The following SUN2 variants were observed in gnomAD, a reference collection of about 807,000 sequenced individuals.
The protein encoded by SUN2 is SUN domain-containing protein 2.
SUN2 carries 60 observed loss-of-function variants against 100.0 expected under a neutral mutation model. The observed-to-expected ratio is 0.60, with a 90% CI of 0.49 to 0.74. SUN2 has a LOEUF of 0.74. Ranked by LOEUF, SUN2 falls within the 30% of genes least tolerant of loss-of-function variation. The pLI is 0.00. For missense variants in SUN2, 834 were observed against 954.6 expected (o/e 0.87, Z 1.66); for synonymous variants, 367 against 403.3 (o/e 0.91, Z 1.08).
intron 9 of SUN2, 107 bp downstream of exon 9, chr22:38,742,194 C>T: frequency 7.2e-7 from 1 of 1,390,686 alleles, no homozygotes; most frequent in Non-Finnish European, 9.7e-7. Flanking sequence ...TGCAAAATGG[C>T]AGAGCTGTCT....
chr22:38,753,641 A>G (rs1416611550), intron 1 of SUN2, among the ~76,000 whole-genome samples: 1 of 152,194 alleles, frequency 6.6e-6, no homozygotes, highest in East Asian at 1.9e-4. Flanking sequence ...GTGCTGCCAC[A>G]TCTTGGTAAG....
rs1346337995 is a variant in SUN2 at position 38,745,817 on chromosome 22, C to G, written c.686-6G>C. 6.2e-7 allele frequency: 1 copy of G among 1,613,280 alleles called. No individual in the cohort carries two copies. Among genetic ancestry groups the G allele is most frequent in the African/African-American group, 1.3e-5 (1 of 74,934 alleles). ...GGGGTAGAAATACCAAGCACCTGTG[C>G]ACAGGGGAGAGGGTGTTACCCCAGC... is the stretch of plus-strand genomic sequence containing the variant. On this transcript the variant is annotated splice_polypyrimidine_tract_variant and splice_region_variant and intron_variant, in intron 7 of 17. Coordinates refer to ENST00000689035, the MANE Select transcript of SUN2 (RefSeq NM_015374.3).
At chr22:38,736,635 A>C in intron 17 of SUN2, 1 of 338,972 alleles carries the variant, frequency 3.0e-6, no homozygotes, top group South Asian at 5.8e-5. Context: ...TCGTTTTTTT[A>C]TTGTGATCAA....
intron 8 of SUN2, 39 bp downstream of exon 8, chr22:38,745,645 T>C: frequency 6.2e-7 from 1 of 1,608,766 alleles, no homozygotes; most frequent in African/African-American, 1.3e-5. Flanking sequence ...CACCTAATTA[T>C]TGCTAAGCTC....
At position 38,751,197 on chromosome 22, in the gene SUN2, G is replaced by A; in HGVS notation, c.286+13C>T. 6.2e-7 allele frequency: 1 copy of A among 1,610,148 alleles called. No individual in the cohort carries two copies. The highest frequency in any genetic ancestry group is 8.5e-7 in the Non-Finnish European group (1 of 1,176,818). On this transcript the variant is annotated intron_variant, in intron 3 of 17. Coordinates refer to ENST00000689035, the MANE Select transcript of SUN2 (RefSeq NM_015374.3). The stretch of plus-strand genomic sequence containing the variant: ...AGGAAGCAAAGCCCCGGGACGGAGG[G>A]CTCCACACTCACCCCAGTTGGCGTC...
In SUN2 at chr22:38,739,513, G is replaced by A; in HGVS notation, c.1579-87C>T. 1.4e-6 allele frequency: 2 copies of A among 1,478,680 alleles called. No individual in the cohort carries two copies. Among genetic ancestry groups the A allele is most frequent in the Non-Finnish European group, 1.9e-6 (2 of 1,070,960 alleles). The allele number at this position is 1,478,680 out of a possible 1,614,324, so 91.6% of individuals were successfully genotyped here. The stretch of plus-strand genomic sequence containing the variant: ...GTGGCCGTGGGCCAAGGACCCATGG[G>A]CTGACCCCTTCTAGGCTTGCACTGT... On this transcript the variant is annotated intron_variant, in intron 13 of 17. Transcript: ENST00000689035. The surrounding 1 kb of genome is among the most constrained non-coding windows in gnomAD (Gnocchi z 6.7).
chr22:38,750,819 C>T, intron 4 of SUN2, 79 bp downstream of exon 4: 2 of 1,583,760 alleles, frequency 1.3e-6, no homozygotes, highest in Non-Finnish European at 1.7e-6. Flanking sequence ...CTCTCCAGCT[C>T]CCCGGGGCTC....
rs771079463 is a variant in SUN2, at chr22:38,736,221, G to C, written c.*46C>G. On this transcript the variant is annotated 3_prime_UTR_variant, in exon 18 of 18. Transcript: ENST00000689035. ...CGTGTGGGGGAAGCGGCGGGGTGCT[G>C]TTCACCCACTCCCAGATGGCTGGCA... is the stretch of plus-strand genomic sequence containing the variant. The C allele has an allele frequency of 5.8e-6, 9 of 1,557,584 alleles. No homozygotes were observed. The highest frequency in any genetic ancestry group is 7.9e-6 in the Non-Finnish European group (9 of 1,132,356).
At position 38,740,027 on chromosome 22, in the gene SUN2, T is replaced by C. The variant is rs545236616; in HGVS notation, c.1357-84A>G. Reference sequence around the variant, plus strand: ...ATGACAGGGCTAGTGCTTAGCTGGATAGCAGGGATAGGGTAGGAGGGAGGC... The same window carrying C: ...ATGACAGGGCTAGTGCTTAGCTGGACAGCAGGGATAGGGTAGGAGGGAGGC... On this transcript the variant is annotated intron_variant, in intron 12 of 17. Coordinates refer to ENST00000689035, the MANE Select transcript of SUN2 (RefSeq NM_015374.3). This position sits in a 1 kb window ranked among gnomAD's most constrained non-coding sequence, Gnocchi z 4.8. The C allele has an allele frequency of 6.8e-7, 1 of 1,472,864 alleles. No homozygotes were observed. The highest frequency in any genetic ancestry group is 2.3e-5 in the East Asian group (1 of 43,990). The allele number at this position is 1,472,864 out of a possible 1,614,324, so 91.2% of individuals were successfully genotyped here.
chr22:38,743,605 A>G (rs906350543), intron 8 of SUN2: 2 of 151,632 alleles, frequency 1.3e-5, no homozygotes, highest in South Asian at 2.1e-4. Context: ...AAAAAAAAAA[A>G]AAAGCCCACA....
In SUN2 at chr22:38,748,727, G is replaced by C; in HGVS notation, c.671C>G (p.Thr224Arg). 2.5e-6 allele frequency: 4 copies of C among 1,614,220 alleles called. No homozygotes were observed. The highest frequency in any genetic ancestry group is 2.5e-6 in the Non-Finnish European group (3 of 1,180,048). Residue 224 changes from threonine to arginine, a missense_variant, in exon 7 of 18, where the codon ACG (threonine) becomes AGG (arginine). Around this residue, in one of 3 missense-constraint regions of SUN2, gnomAD observed 559 missense variants for 597.7 expected, o/e 0.94. Transcript: ENST00000689035. ...LWFLLPLLLLTCLTYGAWYFY... is the reference protein window; with the variant it reads ...LWFLLPLLLLRCLTYGAWYFY... The stretch of plus-strand genomic sequence containing the variant: ...TGCAGGCTCACCATACGTCAGGCAC[G>C]TCAGCAAGAGCAGCGGCAGCAGGAA...
At chr22:38,749,419 C>G (rs1260796322) in intron 6 of SUN2, among the ~76,000 whole-genome samples, 3 of 152,176 alleles carry the variant, frequency 2.0e-5, no homozygotes, top group African/African-American at 7.2e-5. Flanking sequence ...CCACTTCTTG[C>G]CTGGAGTCAG....
Position 38,737,190 on chromosome 22 carries a change from A to G in SUN2, c.2041-810T>C, listed in dbSNP as rs1379165527. On this transcript the variant is annotated intron_variant, in intron 17 of 17. Transcript: ENST00000689035. The surrounding 1 kb of genome is among the most constrained non-coding windows in gnomAD (Gnocchi z 4.1). ...GAAATCCCAACCTCTCTTGCAGCCTAGTTACCTCCTCAGAGCTGATGACAA... is the reference window on the plus strand; with the variant it reads ...GAAATCCCAACCTCTCTTGCAGCCTGGTTACCTCCTCAGAGCTGATGACAA... Among the ~76,000 whole-genome samples the G allele has an allele frequency of 6.6e-6, 1 of 151,984 alleles. No individual in the cohort carries two copies. The highest frequency in any genetic ancestry group is 1.5e-5 in the Non-Finnish European group (1 of 67,970).
chr22:38,755,964 C>T lies in SUN2; in HGVS notation c.-239G>A. ...GCGGACAATGCGGCCGGCGGAGGCC[C>T]GCGCTGCGCGAGTGGGGCCGGGCGG... On this transcript the variant is annotated 5_prime_UTR_variant, in exon 1 of 18. Transcript: ENST00000689035. This position sits in a 1 kb window ranked among gnomAD's most constrained non-coding sequence, Gnocchi z 5.7. The T allele has an allele frequency of 1.0e-6, 1 of 983,816 alleles. No individual in the cohort carries two copies. The highest frequency in any genetic ancestry group is 1.8e-5 in the African/African-American group (1 of 57,138). 60.9% of individuals were successfully genotyped at this position (983,816 alleles called of 1,614,324 possible).
intron 9 of SUN2, 87 bp from the exon 10 acceptor site, chr22:38,741,658 A>G (rs979801144): frequency 4.6e-6 from 6 of 1,298,718 alleles, no homozygotes; most frequent in Non-Finnish European, 6.6e-6. Context: ...CTGGAATTCA[A>G]ACAAGGTCTG....
Position 38,750,335 on chromosome 22 carries a change from G to T in SUN2, c.425-15C>A. 2 of 1,613,754 alleles carry T rather than the reference G, an allele frequency of 1.2e-6. No homozygotes were observed. The highest frequency in any genetic ancestry group is 2.2e-5 in the South Asian group (2 of 91,056). On this transcript the variant is annotated splice_polypyrimidine_tract_variant and intron_variant, in intron 4 of 17. Transcript: ENST00000689035. ...ATCCGAGTAGCCTGCGGGGAACGAG[G>T]ACACTGGCTCAGTCTCTGTCACTTT...
chr22:38,736,468 AGGG>A, intron 17 of SUN2, 88 bp from the exon 18 acceptor site: 4 of 1,099,258 alleles, frequency 3.6e-6, no homozygotes, highest in East Asian at 2.7e-5. Context: ...AGCCTCGCCT[AGGG>A]CCAGATGGCT....
chr22:38,736,212 C>T lies in SUN2; in HGVS notation c.*55G>A, dbSNP rs748133609. 8.7e-6 allele frequency: 13 copies of T among 1,502,600 alleles called. No individual in the cohort carries two copies. The highest frequency in any genetic ancestry group is 2.3e-5 in the East Asian group (1 of 44,082). 93.1% of individuals were successfully genotyped at this position (1,502,600 alleles called of 1,614,324 possible). On this transcript the variant is annotated 3_prime_UTR_variant, in exon 18 of 18. Coordinates refer to ENST00000689035, the MANE Select transcript of SUN2 (RefSeq NM_015374.3). ...CCGAGCAAGCGTGTGGGGGAAGCGG[C>T]GGGGTGCTGTTCACCCACTCCCAGA...
At chr22:38,750,725 G>A (rs2092938601) in intron 4 of SUN2, among the ~76,000 whole-genome samples, 173 bp downstream of exon 4, 1 of 152,198 alleles carries the variant, frequency 6.6e-6, no homozygotes, top group Non-Finnish European at 1.5e-5. Context: ...CACAGCCCAG[G>A]GCACCAGGGG....
Sources: allele counts gnomAD v4.1 joint callset (sites outside exome capture counted in the v4.1 genomes callset), GRCh38; gene constraint gnomAD v4.1.1; regional missense constraint gnomAD v4.1.1; non-coding constraint Gnocchi (gnomAD v3.1); transcripts MANE v1.5; gene names NCBI Gene and HGNC (gene_info 2026-07-23, HGNC 2026-07-21).